FBXL17: variants seen among roughly 807,000 people sequenced by gnomAD.
The protein encoded by FBXL17 is F-box and leucine rich repeat protein 17, also known as F-box/LRR-repeat protein 17.
In FBXL17, 22 loss-of-function variants were observed where a neutral mutation model predicts 66.2. That is an observed-to-expected ratio of 0.33 (90% CI 0.24 to 0.47). FBXL17 has a LOEUF of 0.47. Ranked by LOEUF, FBXL17 falls within the 20% of genes least tolerant of loss-of-function variation. The pLI is 1.00. For missense variants in FBXL17, 878 were observed against 948.2 expected, an observed-to-expected ratio of 0.93 and a Z score of 0.97; for synonymous variants, 474 against 400.5, an observed-to-expected ratio of 1.18 and a Z score of -2.19.
intron 4 of FBXL17, among the ~76,000 whole-genome samples, chr5:108,239,460 G>A (rs1050386433): frequency 1.3e-5 from 2 of 152,164 alleles, no homozygotes. Context: ...CTGTCATAGC[G>A]GAAAGCAACA....
chr5:107,946,306 TA>T (rs1751291376), intron 7 of FBXL17, among the ~76,000 whole-genome samples: 1 of 107,970 alleles, frequency 9.3e-6, no homozygotes, highest in Non-Finnish European at 1.9e-5. Context: ...TATATATATA[TA>T]TATTAGTGAC....
intron 7 of FBXL17, among the ~76,000 whole-genome samples, chr5:108,019,844 G>A (rs923405159): frequency 2.0e-5 from 3 of 151,450 alleles, no homozygotes; most frequent in Non-Finnish European, 4.4e-5. Flanking sequence ...ACTTTTACAA[G>A]GCAAAATTAG....
At chr5:108,127,012 T>C (rs1419470625) in intron 6 of FBXL17, among the ~76,000 whole-genome samples, 1 of 152,106 alleles carries the variant, frequency 6.6e-6, no homozygotes, top group African/African-American at 2.4e-5. Flanking sequence ...TACAATTTCA[T>C]CCAATTCAAA....
At chr5:107,865,180 T>A (rs1748238043) in intron 8 of FBXL17, among the ~76,000 whole-genome samples, 2 of 152,208 alleles carry the variant, frequency 1.3e-5, no homozygotes, top group African/African-American at 4.8e-5. Context: ...GTACATCTTT[T>A]CCAATTTATA....
intron 6 of FBXL17, among the ~76,000 whole-genome samples, chr5:108,052,378 G>A (rs1747520728): frequency 6.6e-6 from 1 of 152,102 alleles, no homozygotes; most frequent in South Asian, 2.1e-4. Context: ...CAAAATCAAT[G>A]TGTAAAAATC....
At chr5:107,985,588 G>A (rs1752984632) in intron 7 of FBXL17, among the ~76,000 whole-genome samples, 1 of 152,108 alleles carries the variant, frequency 6.6e-6, no homozygotes. Flanking sequence ...CTACACTGCT[G>A]AGAAACATAA....
chr5:108,093,075 T>G (rs1561405961), intron 6 of FBXL17, among the ~76,000 whole-genome samples: 1 of 152,084 alleles, frequency 6.6e-6, no homozygotes, highest in Non-Finnish European at 1.5e-5. Flanking sequence ...GCAGACCTCT[T>G]TTTTCACCAC....
intron 6 of FBXL17, among the ~76,000 whole-genome samples, chr5:108,143,472 T>C (rs1210904351): frequency 6.6e-6 from 1 of 152,146 alleles, no homozygotes; most frequent in East Asian, 1.9e-4. Flanking sequence ...ATGACCAGAT[T>C]TTCTACAACA....
intron 6 of FBXL17, among the ~76,000 whole-genome samples, chr5:108,161,863 T>C (rs1049755821): frequency 3.9e-5 from 6 of 152,186 alleles, no homozygotes; most frequent in African/African-American, 1.4e-4. Flanking sequence ...GGTTAAGGAA[T>C]TTATTGTACA....
chr5:108,378,125 G>C (rs928331166), intron 1 of FBXL17, among the ~76,000 whole-genome samples: 7 of 151,818 alleles, frequency 4.6e-5, no homozygotes, highest in African/African-American at 1.7e-4. Flanking sequence ...TTTAAAGCAG[G>C]TAATATTAAC....
intron 4 of FBXL17, among the ~76,000 whole-genome samples, chr5:108,314,426 G>C (rs1241504760): frequency 6.6e-6 from 1 of 151,528 alleles, no homozygotes; most frequent in East Asian, 1.9e-4. Flanking sequence ...TATCCCATAA[G>C]TCAGTTTAGA....
intron 8 of FBXL17, among the ~76,000 whole-genome samples, chr5:107,874,418 G>A (rs937379890): frequency 2.6e-5 from 4 of 152,148 alleles, no homozygotes; most frequent in Non-Finnish European, 1.5e-5. Flanking sequence ...CTGACTTCGG[G>A]CTAAGGGCTT....
At chr5:108,274,916 A>T (rs1757424326) in intron 4 of FBXL17, among the ~76,000 whole-genome samples, 2 of 152,188 alleles carry the variant, frequency 1.3e-5, no homozygotes, top group African/African-American at 4.8e-5. Flanking sequence ...TACAATTATT[A>T]CTATTATTAT....
At chr5:108,036,099 C>T (rs1351540236) in intron 6 of FBXL17, among the ~76,000 whole-genome samples, 5 of 152,136 alleles carry the variant, frequency 3.3e-5, no homozygotes, top group Non-Finnish European at 7.4e-5. Context: ...CGTACTGGCA[C>T]CAGTCTATTT....
intron 4 of FBXL17, among the ~76,000 whole-genome samples, chr5:108,238,227 CTCT>C (rs1188051963): frequency 6.6e-6 from 1 of 152,198 alleles, no homozygotes; most frequent in East Asian, 1.9e-4. Context: ...CATCACTGTG[CTCT>C]TCATTTAATG....
intron 5 of FBXL17, 57 bp downstream of exon 5, chr5:108,224,064 G>T: frequency 1.3e-6 from 1 of 796,716 alleles, no homozygotes; most frequent in Non-Finnish European, 2.1e-6. Context: ...AACAATTTAG[G>T]GCTCATCACC....
chr5:108,165,513 G>A lies in FBXL17; in HGVS notation c.1745+20604C>T, dbSNP rs1021313651. 4.7e-4 allele frequency among the ~76,000 whole-genome samples: 72 copies of A among 152,110 alleles called. 1 individual carries two copies. The highest frequency in any genetic ancestry group is 1.6e-3 in the African/African-American group (67 of 41,416). On this transcript the variant is annotated intron_variant, in intron 6 of 8. Coordinates refer to ENST00000542267, the MANE Select transcript of FBXL17 (RefSeq NM_001163315.3). ...TTCTAGACCATGAAAGAAAACAAAC[G>A]TTGGTGACAAATAAATTACTAATAA...
chr5:108,240,929 G>A (rs942449070), intron 4 of FBXL17, among the ~76,000 whole-genome samples: 1 of 152,144 alleles, frequency 6.6e-6, no homozygotes, highest in Admixed American at 6.5e-5. Context: ...GTCTCTGCCT[G>A]ATAATTCACA....
chr5:108,062,800 A>G (rs73778649), intron 6 of FBXL17, among the ~76,000 whole-genome samples: 2,210 of 152,274 alleles, frequency 0.015, 48 homozygotes, highest in African/African-American at 0.05. Flanking sequence ...GTAACTGCAC[A>G]AAGAAGTAAC....
Sources: allele counts gnomAD v4.1 joint callset (sites outside exome capture counted in the v4.1 genomes callset), GRCh38; gene constraint gnomAD v4.1.1; transcripts MANE v1.5; gene names NCBI Gene and HGNC (gene_info 2026-07-23, HGNC 2026-07-21).